TLN1: variants seen among roughly 807,000 people sequenced by gnomAD.
TLN1 encodes the protein talin 1.
TLN1 carries 56 observed loss-of-function variants against 292.3 expected under a neutral mutation model. That is an observed-to-expected ratio of 0.19 (90% CI 0.15 to 0.24). The LOEUF is 0.24. TLN1 is among the 10% of genes least tolerant of loss of function. TLN1 has a pLI of 1.00. For synonymous variants in TLN1, 1,119 were observed against 1,253.7 expected (o/e 0.89, Z 2.27); for missense variants, 2,433 against 3,248.2 (o/e 0.75, Z 6.10).
At chr9:35,708,993 A>T (rs759138123) in intron 33 of TLN1, among the ~76,000 whole-genome samples, 1 of 152,280 alleles carries the variant, frequency 6.6e-6, no homozygotes, top group Non-Finnish European at 1.5e-5. Context: ...CATTTTTATG[A>T]TGGAAAGAAC....
intron 10 of TLN1, 24 bp from the exon 11 acceptor site, chr9:35,720,937 A>G (rs1049520777): frequency 6.3e-7 from 1 of 1,576,554 alleles, no homozygotes; most frequent in Non-Finnish European, 8.7e-7. Context: ...TGGGGGACTC[A>G]GAGGGAAAGC....
intron 3 of TLN1, 88 bp from the exon 4 acceptor site, chr9:35,725,047 C>A: frequency 1.3e-6 from 2 of 1,593,076 alleles, no homozygotes; most frequent in South Asian, 2.2e-5. Context: ...GAGAGTGGAG[C>A]ACTGAAAGGA....
intron 30 of TLN1, 75 bp downstream of exon 30, chr9:35,711,180 A>G: frequency 6.2e-7 from 1 of 1,610,704 alleles, no homozygotes; most frequent in Non-Finnish European, 8.5e-7. Flanking sequence ...TCCTAAGCCA[A>G]GAAGCTCTCA....
Position 35,714,690 on chromosome 9 carries a change from G to A in TLN1, c.2872-3C>T, listed in dbSNP as rs200317567. ...AGTGGAATCTGCTCTGCCACTGCCT[G>A]TAGGTGAAAATGTCATAAGAGACCC... On this transcript the variant is annotated splice_region_variant and splice_polypyrimidine_tract_variant and intron_variant, in intron 22 of 56. Transcript: ENST00000314888. The surrounding 1 kb of genome is among the most constrained non-coding windows in gnomAD (Gnocchi z 4.6). 1.1e-5 allele frequency: 18 copies of A among 1,614,048 alleles called. No individual in the cohort carries two copies. The highest frequency in any genetic ancestry group is 8.8e-5 in the South Asian group (8 of 91,084).
At position 35,712,093 on chromosome 9, in the gene TLN1, C is replaced by A. The variant is rs765433665; in HGVS notation, c.3593G>T (p.Arg1198Leu). 4 of 1,613,730 alleles carry A rather than the reference C, an allele frequency of 2.5e-6. No individual in the cohort carries two copies. Among genetic ancestry groups the A allele is most frequent in the East Asian group, 2.2e-5 (1 of 44,898 alleles). Residue 1198 changes from arginine (R) to leucine (L), a missense_variant, in exon 28 of 57, where the codon CGC becomes CTC. Arg to Leu is a moderately radical substitution (Grantham distance 102, BLOSUM62 -2). Around this residue, in one of 7 missense-constraint regions of TLN1, gnomAD observed 1,384 missense variants for 1,699.6 expected, o/e 0.81. Coordinates refer to ENST00000314888, the MANE Select transcript of TLN1 (RefSeq NM_006289.4). ...VAKAVTQALN[R>L]CVSCLPGQRD... ...CTGGCCAGGTAGGCAGCTGACACAG[C>A]GGTTCAGAGCCTGGGTCACTGCTTT...
At chr9:35,723,358 C>T (rs113364209) in intron 7 of TLN1, 67 of 200,446 alleles carry the variant, frequency 3.3e-4, no homozygotes, top group African/African-American at 1.4e-3. Context: ...CCGCCCTGGC[C>T]TCCCAAAGTG....
chr9:35,717,853 C>CGTAAGCTGCTTCATTATTCCCACT lies in TLN1; in HGVS notation c.1996-91_1996-68dup. 1.3e-6 allele frequency: 2 copies of CGTAAGCTGCTTCATTATTCCCACT among 1,522,452 alleles called. No homozygotes were observed. Among genetic ancestry groups the CGTAAGCTGCTTCATTATTCCCACT allele is most frequent in the Non-Finnish European group, 1.8e-6 (2 of 1,121,114 alleles). The allele number at this position is 1,522,452 out of a possible 1,614,324, so 94.3% of individuals were successfully genotyped here. On this transcript the variant is annotated intron_variant, in intron 17 of 56. Coordinates refer to ENST00000314888, the MANE Select transcript of TLN1 (RefSeq NM_006289.4). This position sits in a 1 kb window ranked among gnomAD's most constrained non-coding sequence, Gnocchi z 4.7. ...GGGATTCACAGACACTTCTCAGAGGCGTAAGCTGCTTCATTATTCCCACTG... is the reference window on the plus strand; with the variant it reads ...GGGATTCACAGACACTTCTCAGAGGCGTAAGCTGCTTCATTATTCCCACTGTAAGCTGCTTCATTATTCCCACTG...
Position 35,707,008 on chromosome 9 carries a change from G to A in TLN1, c.4955+64C>T. The A allele has an allele frequency of 1.9e-6, 3 of 1,608,096 alleles. No homozygotes were observed. Among genetic ancestry groups the A allele is most frequent in the Admixed American group, 1.7e-5 (1 of 58,136 alleles). On this transcript the variant is annotated intron_variant, in intron 37 of 56. Coordinates refer to ENST00000314888, the MANE Select transcript of TLN1 (RefSeq NM_006289.4). This position sits in a 1 kb window ranked among gnomAD's most constrained non-coding sequence, Gnocchi z 5.6. ...CCATCCCATCTCATTGCACTCAAGT[G>A]CCCATCCTCCATTCTGCCACAATGT...
In TLN1 at chr9:35,710,905, A is replaced by G; in HGVS notation, c.4114-19T>C. 1 of 1,613,858 alleles carries G rather than the reference A, an allele frequency of 6.2e-7. No individual in the cohort carries two copies. The highest frequency in any genetic ancestry group is 8.5e-7 in the Non-Finnish European group (1 of 1,179,892). Reference sequence around the variant, plus strand: ...GGACCGTCTGTGTAGGGGGAGGGCAAAGTGAGATCCAAGACACCTCCCTCA... The same window carrying G: ...GGACCGTCTGTGTAGGGGGAGGGCAGAGTGAGATCCAAGACACCTCCCTCA... On this transcript the variant is annotated intron_variant, in intron 31 of 56. Transcript: ENST00000314888.
rs775274253 is a variant in TLN1 at position 35,720,734 on chromosome 9, G to T, written c.1206+78C>A. On this transcript the variant is annotated intron_variant, in intron 11 of 56. Coordinates refer to ENST00000314888, the MANE Select transcript of TLN1 (RefSeq NM_006289.4). ...TCCGCCTCCCAGGTTCAAGCAATCT[G>T]AGTGCCCATTTCTAAAGGACTGGCT... 2.4e-4 allele frequency: 333 copies of T among 1,394,676 alleles called. 1 individual carries two copies. In the Middle Eastern group the frequency reaches 5.2e-3, roughly 22 times the overall value. 86.4% of individuals were successfully genotyped at this position (1,394,676 alleles called of 1,614,324 possible).
In TLN1 at chr9:35,698,704, T is replaced by TAGACCTGCATTTTCCTCACTTCAA. The variant is rs753042510; in HGVS notation, c.7126-49_7126-26dup. The TAGACCTGCATTTTCCTCACTTCAA allele has an allele frequency of 9.3e-6, 15 of 1,614,144 alleles. No homozygotes were observed. The highest frequency in any genetic ancestry group is 1.3e-5 in the Non-Finnish European group (15 of 1,180,024). On this transcript the variant is annotated intron_variant, in intron 53 of 56. Coordinates refer to ENST00000314888, the MANE Select transcript of TLN1 (RefSeq NM_006289.4). The surrounding 1 kb of genome is among the most constrained non-coding windows in gnomAD (Gnocchi z 5.3). The stretch of plus-strand genomic sequence containing the variant: ...CCTGTAGGAAGGAGAAGAGCCTACT[T>TAGACCTGCATTTTCCTCACTTCAA]AGACCTGCATTTTCCTCACTTCAAA...
chr9:35,731,585 G>T (rs1826080652), intron 1 of TLN1, among the ~76,000 whole-genome samples: 1 of 151,858 alleles, frequency 6.6e-6, no homozygotes, highest in South Asian at 2.1e-4. Context: ...CCCTTAACCT[G>T]ACCCTGAACT....
At chr9:35,701,282 C>T (rs1252143219) in intron 48 of TLN1, among the ~76,000 whole-genome samples, 1 of 152,104 alleles carries the variant, frequency 6.6e-6, no homozygotes, top group Non-Finnish European at 1.5e-5. Flanking sequence ...AGTGAAGTGA[C>T]ATAATCTAAT....
chr9:35,708,248 G>A, intron 34 of TLN1, 93 bp downstream of exon 34: 1 of 1,447,930 alleles, frequency 6.9e-7, no homozygotes, highest in Middle Eastern at 2.6e-4. Context: ...ATGGGTCCCT[G>A]CCCTCTTTCC....
Position 35,715,308 on chromosome 9 carries a change from T to A in TLN1, c.2626-121A>T, listed in dbSNP as rs1026596474. 8 of 1,350,268 alleles carry A rather than the reference T, an allele frequency of 5.9e-6. No individual in the cohort carries two copies. The African/African-American group carries it at 1.2e-4, about 20-fold the overall frequency. The allele number at this position is 1,350,268 out of a possible 1,614,324, so 83.6% of individuals were successfully genotyped here. A position where few individuals can be genotyped will look rare whatever the true frequency, so the allele number is the denominator to read the frequency against. ...GTATTTTCCTGAAGTCATCTCTAAC[T>A]AGCCCCACCAAAAGGCAATCACCTT... On this transcript the variant is annotated intron_variant, in intron 20 of 56. Coordinates refer to ENST00000314888, the MANE Select transcript of TLN1 (RefSeq NM_006289.4).
chr9:35,711,966 T>C, intron 28 of TLN1, 39 bp downstream of exon 28: 1 of 1,608,554 alleles, frequency 6.2e-7, no homozygotes, highest in Non-Finnish European at 8.5e-7. Context: ...CTGGCATTCT[T>C]TGACTCCTAC....
rs1020868844 is a variant in TLN1, at chr9:35,710,409, G to A, written c.4326+152C>T. ...GCTGGTGTTCAGTAATTGCTGACAA[G>A]TGTCTCCACTTCAGGAGGAGGACAA... On this transcript the variant is annotated intron_variant, in intron 33 of 56. Coordinates refer to ENST00000314888, the MANE Select transcript of TLN1 (RefSeq NM_006289.4). The A allele has an allele frequency of 4.7e-6, 5 of 1,067,942 alleles. No individual in the cohort carries two copies. The East Asian group carries it at 7.3e-5, about 16-fold the overall frequency. 66.2% of individuals were successfully genotyped at this position (1,067,942 alleles called of 1,614,324 possible).
In TLN1 at chr9:35,707,221, A is replaced by T; in HGVS notation, c.4806T>A (p.Ser1602=). Reference sequence around the variant, plus strand: ...CGGCACTCTCTAACATTGTCTTGGCAGAGATCACAATGGGCTCCATGGCAG... The same window carrying T: ...CGGCACTCTCTAACATTGTCTTGGCTGAGATCACAATGGGCTCCATGGCAG... ...GRAAMEPIVI[S]AKTMLESAGG... is the part of the protein sequence containing the mutation. The change falls in exon 37 of 57, where the codon TCT becomes TCA. Residue 1602 remains serine, a synonymous_variant. Transcript: ENST00000314888. This position sits in a 1 kb window ranked among gnomAD's most constrained non-coding sequence, Gnocchi z 5.6. 1 of 1,605,366 alleles carries T rather than the reference A, an allele frequency of 6.2e-7. No homozygotes were observed. Among genetic ancestry groups the T allele is most frequent in the Non-Finnish European group, 8.5e-7 (1 of 1,175,134 alleles).
In TLN1 at chr9:35,724,428, T is replaced by A; in HGVS notation, c.512-94A>T. On this transcript the variant is annotated intron_variant, in intron 5 of 56. Transcript: ENST00000314888. The surrounding 1 kb of genome is among the most constrained non-coding windows in gnomAD (Gnocchi z 4.7). ...TCTGCATTTCCTACCTCCCCTCACT[T>A]AAATGTAAGTCCCATGAGTGTAGGA... The A allele has an allele frequency of 6.3e-7, 1 of 1,577,440 alleles. No homozygotes were observed. Among genetic ancestry groups the A allele is most frequent in the Non-Finnish European group, 8.7e-7 (1 of 1,153,766 alleles).
Sources: allele counts gnomAD v4.1 joint callset (sites outside exome capture counted in the v4.1 genomes callset), GRCh38; gene constraint gnomAD v4.1.1; regional missense constraint gnomAD v4.1.1; non-coding constraint Gnocchi (gnomAD v3.1); transcripts MANE v1.5; gene names NCBI Gene and HGNC (gene_info 2026-07-23, HGNC 2026-07-21).